DMD: variants seen among roughly 807,000 people sequenced by gnomAD.
DMD encodes the protein dystrophin, also known as mutant dystrophin.
Under a neutral mutation model 330.1 loss-of-function variants are expected in DMD, and 63 were observed. The ratio of observed to expected loss-of-function variants is 0.19; its 90% CI spans 0.16 to 0.24. The LOEUF (loss-of-function observed/expected upper bound fraction) is 0.24. Ranked by LOEUF, DMD falls within the 10% of genes least tolerant of loss-of-function variation. DMD has a pLI of 1.00. For missense variants in DMD, 3,344 were observed against 2,684.1 expected (o/e 1.25, Z -5.43); for synonymous variants, 1,223 against 959.8 (o/e 1.27, Z -5.07).
chrX:32,140,908 A>G (rs762076805), intron 44 of DMD, among the ~76,000 whole-genome samples: 20 of 111,512 alleles, frequency 1.8e-4, no homozygotes, highest in African/African-American at 6.2e-4. Context: ...CAGCCAAACC[A>G]TATCAGTTAT....
At position 32,206,211 on chromosome X, in the gene DMD, G is replaced by A. The variant is rs755158255; in HGVS notation, c.6438+10705C>T. ...ACGGTTGAAGTGTGGTTCAGGGCCAGTGCATGTGAGTGGACAGCATTTAGT... is the reference window on the plus strand; with the variant it reads ...ACGGTTGAAGTGTGGTTCAGGGCCAATGCATGTGAGTGGACAGCATTTAGT... On this transcript the variant is annotated intron_variant, in intron 44 of 78. Coordinates refer to ENST00000357033, the MANE Select transcript of DMD (RefSeq NM_004006.3). The A allele has an allele frequency of 3.3e-5, 17 of 510,272 alleles. No individual in the cohort carries two copies. The African/African-American group carries it at 3.7e-4, about 11-fold the overall frequency. 42.1% of individuals were successfully genotyped at this position (510,272 alleles called of 1,213,427 possible). A position where few individuals can be genotyped will look rare whatever the true frequency, so the allele number is the denominator to read the frequency against.
intron 33 of DMD, among the ~76,000 whole-genome samples, chrX:32,384,500 G>A (rs2097945235): frequency 9.0e-6 from 1 of 110,890 alleles, no homozygotes; most frequent in Admixed American, 9.6e-5. Context: ...AGAATCTTTT[G>A]TCATAGGATG....
intron 44 of DMD, among the ~76,000 whole-genome samples, chrX:32,012,343 G>A (rs901865402): frequency 6.3e-5 from 7 of 111,982 alleles, no homozygotes; most frequent in Admixed American, 2.8e-4. Context: ...GGTGGTCCTG[G>A]ATTCAAGGCA....
Position 31,382,930 on chromosome X carries a change from G to C in DMD, c.9085-34296C>G, listed in dbSNP as rs2060256061. Among the ~76,000 whole-genome samples, 3 of 111,679 alleles carry C rather than the reference G, an allele frequency of 2.7e-5. No individual in the cohort carries two copies. In the Admixed American group the frequency reaches 2.9e-4, roughly 11 times the overall value. ...AAGAAGACAGGAATGTCAGGCCTCT[G>C]AGCCCAAGCTAAGCCATCATATCCC... On this transcript the variant is annotated intron_variant, in intron 60 of 78. Coordinates refer to ENST00000357033, the MANE Select transcript of DMD (RefSeq NM_004006.3).
intron 21 of DMD, among the ~76,000 whole-genome samples, chrX:32,482,282 C>A (rs2041975182): frequency 9.0e-6 from 1 of 111,225 alleles, no homozygotes; most frequent in Non-Finnish European, 1.9e-5. Flanking sequence ...AGTATTTTAT[C>A]AACTGTCATG....
intron 9 of DMD, among the ~76,000 whole-genome samples, chrX:32,681,902 G>A (rs1276425651): frequency 9.0e-6 from 1 of 111,402 alleles, no homozygotes; most frequent in Non-Finnish European, 1.9e-5. Flanking sequence ...TAAAGGAAGT[G>A]CGCCATATGA....
At chrX:32,488,385 C>A (rs1217455916) in intron 20 of DMD, among the ~76,000 whole-genome samples, 1 of 111,138 alleles carries the variant, frequency 9.0e-6, no homozygotes, top group Non-Finnish European at 1.9e-5. Context: ...CTAACCCCCA[C>A]AATATTAAAA....
chrX:33,049,667 C>A (rs1274265070), intron 1 of DMD, among the ~76,000 whole-genome samples: 2 of 110,696 alleles, frequency 1.8e-5, no homozygotes, highest in African/African-American at 6.6e-5. Flanking sequence ...GAAACTTGGC[C>A]ACTATGGAAT....
At chrX:33,300,618 T>G (rs1265770458) in intron 1 of DMD, among the ~76,000 whole-genome samples, 1 of 111,759 alleles carries the variant, frequency 8.9e-6, no homozygotes, top group Non-Finnish European at 1.9e-5. Flanking sequence ...GGGCTCTACC[T>G]TCATGAATGG....
At chrX:31,873,958 G>A (rs1178885538) in intron 48 of DMD, among the ~76,000 whole-genome samples, 1 of 111,646 alleles carries the variant, frequency 9.0e-6, no homozygotes, top group Non-Finnish European at 1.9e-5. Flanking sequence ...TATGATATGA[G>A]TGGAGAAGCA....
At chrX:31,225,387 G>A (rs780266170) in intron 63 of DMD, among the ~76,000 whole-genome samples, 2 of 112,389 alleles carry the variant, frequency 1.8e-5, no homozygotes, top group Non-Finnish European at 3.8e-5. Flanking sequence ...AGTTAGACGG[G>A]CCTGTGTAGT....
chrX:31,169,738 A>C (rs1333391289), intron 73 of DMD, 137 bp from the exon 74 acceptor site: 4 of 577,030 alleles, frequency 6.9e-6, no homozygotes, highest in African/African-American at 2.3e-5. Context: ...CCTGCTTCTA[A>C]AGACCTTTTG....
intron 60 of DMD, among the ~76,000 whole-genome samples, chrX:31,420,689 A>C (rs1490613606): frequency 8.9e-6 from 1 of 112,508 alleles, no homozygotes; most frequent in African/African-American, 3.2e-5. Flanking sequence ...GGCCTGGGAC[A>C]CTGTGGTGTC....
chrX:32,143,921 A>T (rs1462667290), intron 44 of DMD, among the ~76,000 whole-genome samples: 1 of 110,406 alleles, frequency 9.1e-6, no homozygotes, highest in Non-Finnish European at 1.9e-5. Context: ...GTCACTGTGT[A>T]TAACTAAATC....
intron 7 of DMD, among the ~76,000 whole-genome samples, chrX:32,720,169 G>C (rs1332326643): frequency 9.0e-6 from 1 of 110,855 alleles, no homozygotes; most frequent in African/African-American, 3.3e-5. Context: ...CCTTACAAAA[G>C]AGTTTTTGTC....
At chrX:32,432,105 T>A (rs1458043925) in intron 29 of DMD, among the ~76,000 whole-genome samples, 1 of 111,935 alleles carries the variant, frequency 8.9e-6, no homozygotes, top group Non-Finnish European at 1.9e-5. Flanking sequence ...CAACACACAT[T>A]TTCAGGTGAC....
chrX:31,856,275 A>G (rs989436263), intron 48 of DMD, among the ~76,000 whole-genome samples: 1 of 111,870 alleles, frequency 8.9e-6, no homozygotes, highest in East Asian at 2.8e-4. Context: ...AATATATGAT[A>G]AAATTAAAAA....
intron 7 of DMD, among the ~76,000 whole-genome samples, chrX:32,770,002 G>A (rs1315670528): frequency 8.9e-6 from 1 of 111,860 alleles, no homozygotes; most frequent in African/African-American, 3.2e-5. Flanking sequence ...TAAGGTAAGT[G>A]ACTTCTGTAA....
At chrX:31,443,661 G>A (rs905286020) in intron 60 of DMD, among the ~76,000 whole-genome samples, 2 of 109,791 alleles carry the variant, frequency 1.8e-5, no homozygotes, top group African/African-American at 6.6e-5. Context: ...TATTTATTAC[G>A]CAAACCTACG....
Sources: allele counts gnomAD v4.1 joint callset (sites outside exome capture counted in the v4.1 genomes callset), GRCh38; gene constraint gnomAD v4.1.1; transcripts MANE v1.5; gene names NCBI Gene and HGNC (gene_info 2026-07-23, HGNC 2026-07-21).